Variants in DPEP2NB observed in about 807,000 individuals in gnomAD.
DPEP2NB encodes the protein DPEP2 neighbor, also known as DPEP2 neighbor protein.
For synonymous variants in DPEP2NB, 35 were observed against 55.3 expected (o/e 0.63, Z 1.63); for missense variants, 117 against 151.8 (o/e 0.77, Z 1.21).
rs1452359331 is a variant in DPEP2NB at position 68,013,475 on chromosome 16, G to A, written c.*633C>T. 1 of 151,230 alleles carries A rather than the reference G, an allele frequency of 6.6e-6. No individual in the cohort carries two copies. Among genetic ancestry groups the A allele is most frequent in the Non-Finnish European group, 1.5e-5 (1 of 67,870 alleles). 9.4% of individuals were successfully genotyped at this position (151,230 alleles called of 1,614,324 possible). A position where few individuals can be genotyped will look rare whatever the true frequency, so the allele number is the denominator to read the frequency against. ...AATTTTTTTAATTTTTTTTTAAATT[G>A]AGCAGTAGGGACCTCACTGGGGCCA... On this transcript the variant is annotated 3_prime_UTR_variant, in exon 2 of 2. Coordinates refer to ENST00000574912, the MANE Select transcript of DPEP2NB (RefSeq NM_001282442.2).
chr16:68,013,737 C>A lies in DPEP2NB; in HGVS notation c.*371G>T. On this transcript the variant is annotated 3_prime_UTR_variant, in exon 2 of 2. Coordinates refer to ENST00000574912, the MANE Select transcript of DPEP2NB (RefSeq NM_001282442.2). Reference sequence around the variant, plus strand: ...TGCTGGCAGTGACTCAAAGCAAAGACCCATCTGGTAGATCAAGCCCTTACT... The same window carrying A: ...TGCTGGCAGTGACTCAAAGCAAAGAACCATCTGGTAGATCAAGCCCTTACT... The A allele has an allele frequency of 6.0e-6, 1 of 166,322 alleles. No individual in the cohort carries two copies. Among genetic ancestry groups the A allele is most frequent in the Non-Finnish European group, 1.3e-5 (1 of 77,734 alleles). The allele number at this position is 166,322 out of a possible 1,614,324, so 10.3% of individuals were successfully genotyped here. A position where few individuals can be genotyped will look rare whatever the true frequency, so the allele number is the denominator to read the frequency against.
rs2033166371 is a variant in DPEP2NB, at chr16:68,015,789, A to C, written c.-19T>G. The C allele has an allele frequency of 8.3e-7, 1 of 1,206,990 alleles. No individual in the cohort carries two copies. Among genetic ancestry groups the C allele is most frequent in the Non-Finnish European group, 1.0e-6 (1 of 965,394 alleles). The allele number at this position is 1,206,990 out of a possible 1,614,324, so 74.8% of individuals were successfully genotyped here. On this transcript the variant is annotated 5_prime_UTR_variant, in exon 1 of 2. Coordinates refer to ENST00000574912, the MANE Select transcript of DPEP2NB (RefSeq NM_001282442.2). The stretch of plus-strand genomic sequence containing the variant: ...CAGTCATTCTCTCTCAGCCAACCAA[A>C]CAGATTGGTATCTTACAGAGAAATG...
intron 1 of DPEP2NB, among the ~76,000 whole-genome samples, chr16:68,014,638 C>T (rs1436595574): frequency 3.9e-5 from 6 of 152,100 alleles, no homozygotes; most frequent in African/African-American, 1.4e-4. Flanking sequence ...TCATCCCTTC[C>T]ATGACCAAAA....
At position 68,014,959 on chromosome 16, in the gene DPEP2NB, C is replaced by T. The variant is rs139382966; in HGVS notation, c.68-547G>A. ...GGCGGAGGTTGCAGTGAGCCAAGAT[C>T]GCACCACTGCATTCCAGCCTGGGTG... On this transcript the variant is annotated intron_variant, in intron 1 of 1. Transcript: ENST00000574912. Among the ~76,000 whole-genome samples the T allele has an allele frequency of 1.5e-3, 232 of 151,936 alleles. 3 individuals carry two copies. In the East Asian group the frequency reaches 0.016, roughly 11 times the overall value.
Position 68,014,354 on chromosome 16 carries a change from C to A in DPEP2NB, c.126G>T (p.Gly42=). Residue 42 remains glycine (G), a synonymous_variant, in exon 2 of 2, where the codon GGG becomes GGT. Transcript: ENST00000574912. ...GCCAGCCTACCTGAGTTTCTCCACA[C>A]CCTCGGTAGAGAACATGGTAGTGCC... The part of the protein sequence containing the change: ...TPGHYHVLYR[G]CGETQVGWHG... 1 of 1,231,840 alleles carries A rather than the reference C, an allele frequency of 8.1e-7. No individual in the cohort carries two copies. The highest frequency in any genetic ancestry group is 1.0e-6 in the Non-Finnish European group (1 of 988,032). The allele number at this position is 1,231,840 out of a possible 1,614,324, so 76.3% of individuals were successfully genotyped here. A position where few individuals can be genotyped will look rare whatever the true frequency, so the allele number is the denominator to read the frequency against.
Position 68,013,832 on chromosome 16 carries a change from G to T in DPEP2NB, c.*276C>A. ...AGAGTGCAGACTATTTCTATCTTCTGCCCAAAAAGGGACTCTGGAGAGATG... is the reference window on the plus strand; with the variant it reads ...AGAGTGCAGACTATTTCTATCTTCTTCCCAAAAAGGGACTCTGGAGAGATG... On this transcript the variant is annotated 3_prime_UTR_variant, in exon 2 of 2. Transcript: ENST00000574912. 2 of 322,112 alleles carry T rather than the reference G, an allele frequency of 6.2e-6. No individual in the cohort carries two copies. Among genetic ancestry groups the T allele is most frequent in the Non-Finnish European group, 1.1e-5 (2 of 178,206 alleles). 20.0% of individuals were successfully genotyped at this position (322,112 alleles called of 1,614,324 possible). A position where few individuals can be genotyped will look rare whatever the true frequency, so the allele number is the denominator to read the frequency against.
Position 68,014,274 on chromosome 16 carries a change from A to G in DPEP2NB, c.206T>C (p.Leu69Ser). The G allele has an allele frequency of 3.2e-6, 4 of 1,231,756 alleles. No homozygotes were observed. The highest frequency in any genetic ancestry group is 4.0e-6 in the Non-Finnish European group (4 of 988,046). 76.3% of individuals were successfully genotyped at this position (1,231,756 alleles called of 1,614,324 possible). A position where few individuals can be genotyped will look rare whatever the true frequency, so the allele number is the denominator to read the frequency against. The change falls in exon 2 of 2, where the codon TTG (leucine) becomes TCG (serine). Residue 69 changes from leucine to serine, a missense_variant. Coordinates refer to ENST00000574912, the MANE Select transcript of DPEP2NB (RefSeq NM_001282442.2). ...GGYRVHGDAP[L>S]ATPTKAEAEK... ...TGCTTCAGCCTTTGTTGGGGTGGCC[A>G]AAGGAGCATCCCCATGGACCCGGTA...
At position 68,013,958 on chromosome 16, in the gene DPEP2NB, G is replaced by GGGTA; in HGVS notation, c.*146_*149dup. ...ACAGTTTCTGAGGCTCCTTGGCCATGGGTAGTTAGCATGGAAGGGGGCTTC... is the reference window on the plus strand; with the variant it reads ...ACAGTTTCTGAGGCTCCTTGGCCATGGGTAGGTAGTTAGCATGGAAGGGGGCTTC... On this transcript the variant is annotated 3_prime_UTR_variant, in exon 2 of 2. Coordinates refer to ENST00000574912, the MANE Select transcript of DPEP2NB (RefSeq NM_001282442.2). 1 of 548,514 alleles carries GGGTA rather than the reference G, an allele frequency of 1.8e-6. No individual in the cohort carries two copies. The highest frequency in any genetic ancestry group is 2.7e-6 in the Non-Finnish European group (1 of 364,118). 34.0% of individuals were successfully genotyped at this position (548,514 alleles called of 1,614,324 possible). A position where few individuals can be genotyped will look rare whatever the true frequency, so the allele number is the denominator to read the frequency against.
chr16:68,015,107 G>A (rs2033158979), intron 1 of DPEP2NB, among the ~76,000 whole-genome samples: 1 of 151,850 alleles, frequency 6.6e-6, no homozygotes, highest in Non-Finnish European at 1.5e-5. Context: ...ATACAAATTG[G>A]TGGGCCAGGC....
chr16:68,013,436 T>C lies in DPEP2NB; in HGVS notation c.*672A>G, dbSNP rs1175931844. ...AAAAAAAGATGATCAAGTCAAATAC[T>C]GTTATGGAAAAATAATTTTTTTAAT... On this transcript the variant is annotated 3_prime_UTR_variant, in exon 2 of 2. Coordinates refer to ENST00000574912, the MANE Select transcript of DPEP2NB (RefSeq NM_001282442.2). 6.6e-5 allele frequency: 10 copies of C among 151,868 alleles called. No individual in the cohort carries two copies. The highest frequency in any genetic ancestry group is 2.2e-4 in the African/African-American group (9 of 41,342). The allele number at this position is 151,868 out of a possible 1,614,324, so 9.4% of individuals were successfully genotyped here.
rs2033144749 is a variant in DPEP2NB at position 68,013,437 on chromosome 16, G to A, written c.*671C>T. On this transcript the variant is annotated 3_prime_UTR_variant, in exon 2 of 2. Transcript: ENST00000574912. The stretch of plus-strand genomic sequence containing the variant: ...AAAAAAGATGATCAAGTCAAATACT[G>A]TTATGGAAAAATAATTTTTTTAATT... The A allele has an allele frequency of 1.3e-5, 2 of 151,990 alleles. No individual in the cohort carries two copies. Among genetic ancestry groups the A allele is most frequent in the Non-Finnish European group, 2.9e-5 (2 of 68,002 alleles). 9.4% of individuals were successfully genotyped at this position (151,990 alleles called of 1,614,324 possible).
Position 68,015,005 on chromosome 16 carries a change from A to G in DPEP2NB, c.68-593T>C, listed in dbSNP as rs112988897. Among the ~76,000 whole-genome samples the G allele has an allele frequency of 4.9e-3, 744 of 152,178 alleles. 8 individuals carry two copies. Among genetic ancestry groups the G allele is most frequent in the African/African-American group, 0.017 (704 of 41,534 alleles). On this transcript the variant is annotated intron_variant, in intron 1 of 1. Coordinates refer to ENST00000574912, the MANE Select transcript of DPEP2NB (RefSeq NM_001282442.2). ...GGGTGACAGAGCGAGACACTGTCTC[A>G]AAAAAGAAAAAGAAAAAGAAAAAAA... is the stretch of plus-strand genomic sequence containing the variant.
rs79325182 is a variant in DPEP2NB at position 68,014,203 on chromosome 16, T to C, written c.277A>G (p.Ile93Val). The change falls in exon 2 of 2, where the codon ATA (isoleucine) becomes GTA (valine). Residue 93 changes from isoleucine (I) to valine (V), a missense_variant. Physicochemically the swap from Ile to Val is conservative, Grantham distance 29. Coordinates refer to ENST00000574912, the MANE Select transcript of DPEP2NB (RefSeq NM_001282442.2). ...CAACCCAGGTCTTTATCTGACTCTA[T>C]CGTAGCTTGACGTCTCTTGGGAGCA... ...RRAPKRRQAT[I>V]ESDKDLGCSS... The C allele has an allele frequency of 1.4e-4, 168 of 1,231,756 alleles. 1 individual carries two copies. The East Asian group carries it at 5.2e-3, about 38-fold the overall frequency. 76.3% of individuals were successfully genotyped at this position (1,231,756 alleles called of 1,614,324 possible). A position where few individuals can be genotyped will look rare whatever the true frequency, so the allele number is the denominator to read the frequency against.
Position 68,014,283 on chromosome 16 carries a change from T to G in DPEP2NB, c.197A>C (p.Asp66Ala). ...CTTTGTTGGGGTGGCCAAAGGAGCA[T>G]CCCCATGGACCCGGTAGCCACCAAC... The part of the protein sequence containing the change: ...CLVGGYRVHG[D>A]APLATPTKAE... The change falls in exon 2 of 2, where the codon GAT becomes GCT. Residue 66 changes from aspartate (D) to alanine (A), a missense_variant. Asp to Ala is a moderately radical substitution (Grantham distance 126, BLOSUM62 -2). Transcript: ENST00000574912. 1 of 1,231,616 alleles carries G rather than the reference T, an allele frequency of 8.1e-7. No individual in the cohort carries two copies. Among genetic ancestry groups the G allele is most frequent in the Non-Finnish European group, 1.0e-6 (1 of 988,006 alleles). 76.3% of individuals were successfully genotyped at this position (1,231,616 alleles called of 1,614,324 possible).
Position 68,014,065 on chromosome 16 carries a change from G to A in DPEP2NB, c.*43C>T. ...GGAGGTCACCGCAGAAGAGGCATTA[G>A]CTGTCTTAGACAGCTAAACATTTGT... is the stretch of plus-strand genomic sequence containing the variant. On this transcript the variant is annotated 3_prime_UTR_variant, in exon 2 of 2. Transcript: ENST00000574912. The A allele has an allele frequency of 8.2e-7, 1 of 1,226,974 alleles. No individual in the cohort carries two copies. Among genetic ancestry groups the A allele is most frequent in the Non-Finnish European group, 1.0e-6 (1 of 983,656 alleles). The allele number at this position is 1,226,974 out of a possible 1,614,324, so 76.0% of individuals were successfully genotyped here. A position where few individuals can be genotyped will look rare whatever the true frequency, so the allele number is the denominator to read the frequency against.
Position 68,014,231 on chromosome 16 carries a change from C to G in DPEP2NB, c.249G>C (p.Arg83Ser), listed in dbSNP as rs2033151624. The G allele has an allele frequency of 3.2e-6, 4 of 1,231,612 alleles. No homozygotes were observed. The highest frequency in any genetic ancestry group is 3.1e-4 in the Middle Eastern group (1 of 3,232). 76.3% of individuals were successfully genotyped at this position (1,231,612 alleles called of 1,614,324 possible). ...TKAEAEKPAP[R>S]RAPKRRQATI... ...TAGCTTGACGTCTCTTGGGAGCACG[C>G]CTGGGGGCTGGCTTCTCTGCTTCAG... The change falls in exon 2 of 2, where the codon AGG (arginine) becomes AGC (serine). Residue 83 changes from arginine to serine, a missense_variant. Transcript: ENST00000574912.
At chr16:68,015,674 C>T in intron 1 of DPEP2NB, 30 bp downstream of exon 1, 1 of 1,195,740 alleles carries the variant, frequency 8.4e-7, no homozygotes, top group Non-Finnish European at 1.0e-6. Flanking sequence ...ACAGCAACGC[C>T]TCCTGTATAG....
At chr16:68,014,486 C>T (rs1292103782) in intron 1 of DPEP2NB, 74 bp from the exon 2 acceptor site, 1 of 1,045,614 alleles carries the variant, frequency 9.6e-7, no homozygotes, top group East Asian at 3.2e-5. Flanking sequence ...TCTCGCGACT[C>T]TTCCTAAGAA....
At chr16:68,015,322 G>T (rs1598292151) in intron 1 of DPEP2NB, among the ~76,000 whole-genome samples, 1 of 141,046 alleles carries the variant, frequency 7.1e-6, no homozygotes, top group African/African-American at 2.6e-5. Context: ...AGCCCAGGAA[G>T]TTGAGGTTTC....
Sources: gnomAD v4.1 joint callset for allele counts (sites outside exome capture counted in the v4.1 genomes callset) on GRCh38, gnomAD v4.1.1 for gene constraint, MANE v1.5 for transcripts, NCBI Gene and HGNC (gene_info 2026-07-23, HGNC 2026-07-21) for gene names.